Variants in NEGR1 observed in about 807,000 individuals in gnomAD.
NEGR1 encodes the protein neuronal growth regulator 1.
NEGR1 carries 10 observed loss-of-function variants against 40.9 expected under a neutral mutation model. That is an observed-to-expected ratio of 0.24 (90% CI 0.15 to 0.42). The LOEUF is 0.42. Among genes scored for constraint, NEGR1 ranks in the 10% least tolerant of loss-of-function variants. The pLI is 1.00. For synonymous variants in NEGR1, 185 were observed against 166.8 expected (o/e 1.11, Z -0.84); for missense variants, 352 against 438.9 (o/e 0.80, Z 1.77).
At chr1:71,579,696 C>T (rs1476691525) in intron 6 of NEGR1, among the ~76,000 whole-genome samples, 2 of 151,346 alleles carry the variant, frequency 1.3e-5, no homozygotes, top group Admixed American at 6.6e-5. Flanking sequence ...TTCCTCCTCC[C>T]CTGATTCTAG....
At chr1:72,181,315 G>C (rs1325969830) in intron 1 of NEGR1, among the ~76,000 whole-genome samples, 1 of 152,062 alleles carries the variant, frequency 6.6e-6, no homozygotes, top group Non-Finnish European at 1.5e-5. Flanking sequence ...AGGACAACCT[G>C]GATGGTCTTT....
At chr1:71,455,740 A>G (rs1646668282) in intron 6 of NEGR1, among the ~76,000 whole-genome samples, 1 of 152,184 alleles carries the variant, frequency 6.6e-6, no homozygotes, top group Admixed American at 6.5e-5. Context: ...AAATCTTTTG[A>G]GTATCAGGCT....
intron 6 of NEGR1, among the ~76,000 whole-genome samples, chr1:71,557,172 G>A (rs985385079): frequency 3.3e-5 from 5 of 151,596 alleles, no homozygotes; most frequent in African/African-American, 1.2e-4. Context: ...TTGCACTTTT[G>A]TTTTGGAACA....
chr1:71,611,933 A>G (rs577035884), intron 4 of NEGR1, among the ~76,000 whole-genome samples: 3 of 152,162 alleles, frequency 2.0e-5, no homozygotes, highest in Non-Finnish European at 4.4e-5. Context: ...ATAGAAATGT[A>G]TTGCATTGGC....
chr1:72,107,687 G>T (rs1649191628), intron 1 of NEGR1, among the ~76,000 whole-genome samples: 1 of 150,846 alleles, frequency 6.6e-6, no homozygotes, highest in African/African-American at 2.4e-5. Context: ...ATATATATTA[G>T]AAAAATGACT....
intron 6 of NEGR1, among the ~76,000 whole-genome samples, chr1:71,559,809 C>T (rs1648382894): frequency 1.4e-5 from 2 of 145,928 alleles, no homozygotes; most frequent in Admixed American, 6.9e-5. Context: ...TCTTAAATCA[C>T]AATACAGTCT....
chr1:71,882,679 A>G (rs1206144691), intron 2 of NEGR1, among the ~76,000 whole-genome samples: 1 of 151,310 alleles, frequency 6.6e-6, no homozygotes, highest in Non-Finnish European at 1.5e-5. Context: ...AGTACTCGTG[A>G]TAACAGATTA....
chr1:71,841,087 C>T (rs1413687495), intron 2 of NEGR1, among the ~76,000 whole-genome samples: 1 of 151,974 alleles, frequency 6.6e-6, no homozygotes, highest in Non-Finnish European at 1.5e-5. Flanking sequence ...TATATATATA[C>T]ACATCCTATT....
chr1:71,962,770 G>GT (rs34191412), intron 1 of NEGR1, among the ~76,000 whole-genome samples: 556 of 145,008 alleles, frequency 3.8e-3, no homozygotes, highest in African/African-American at 6.2e-3. Flanking sequence ...AATTCTCCAA[G>GT]TTTTTTTTTT....
At chr1:72,069,417 T>C (rs114346916) in intron 1 of NEGR1, among the ~76,000 whole-genome samples, 2,270 of 151,852 alleles carry the variant, frequency 0.015, 52 homozygotes, top group African/African-American at 0.052. Flanking sequence ...GCACTCCAGC[T>C]TGGGTGACAC....
chr1:72,197,614 C>G (rs1444551748), intron 1 of NEGR1, among the ~76,000 whole-genome samples: 1 of 151,998 alleles, frequency 6.6e-6, no homozygotes, highest in Admixed American at 6.6e-5. Context: ...GCACAACCAA[C>G]AGTCCAATGC....
intron 1 of NEGR1, among the ~76,000 whole-genome samples, chr1:72,181,671 C>T (rs1308904204): frequency 1.3e-5 from 2 of 152,054 alleles, no homozygotes; most frequent in Non-Finnish European, 2.9e-5. Flanking sequence ...GGGAAGCAAC[C>T]TAGGCGTCTG....
At chr1:72,194,931 G>C (rs1173384003) in intron 1 of NEGR1, among the ~76,000 whole-genome samples, 1 of 151,974 alleles carries the variant, frequency 6.6e-6, no homozygotes, top group Non-Finnish European at 1.5e-5. Flanking sequence ...TGCCATGCAC[G>C]GTGACTTACA....
At chr1:72,233,527 T>C (rs114087671) in intron 1 of NEGR1, among the ~76,000 whole-genome samples, 1,979 of 152,178 alleles carry the variant, frequency 0.013, 45 homozygotes, top group African/African-American at 0.046. Context: ...CTCATGCTTA[T>C]AAGTAAAAAA....
At chr1:72,274,724 T>C (rs963305386) in intron 1 of NEGR1, 3 of 1,039,916 alleles carry the variant, frequency 2.9e-6, no homozygotes, top group African/African-American at 1.6e-5. Context: ...GGAAAAGTAA[T>C]TGGAGTAAAA....
At position 71,398,162 on chromosome 1, in the gene NEGR1, A is replaced by C. The variant is rs1243642089; in HGVS notation, c.*9284T>G. 6.6e-6 allele frequency: 1 copy of C among 152,286 alleles called. No homozygotes were observed. 9.4% of individuals were successfully genotyped at this position (152,286 alleles called of 1,614,324 possible). On this transcript the variant is annotated 3_prime_UTR_variant, in exon 7 of 7. Coordinates refer to ENST00000357731, the MANE Select transcript of NEGR1 (RefSeq NM_173808.3). The stretch of plus-strand genomic sequence containing the variant: ...AGAACCTCTGCTAGGGCAGTGCAGA[A>C]GGAAAATGTGGAGTGAGCCCCACAC...
At chr1:71,725,894 C>T (rs1654657657) in intron 3 of NEGR1, among the ~76,000 whole-genome samples, 1 of 152,078 alleles carries the variant, frequency 6.6e-6, no homozygotes, top group Admixed American at 6.6e-5. Context: ...ACTTTATCTG[C>T]TCAGCATCTC....
intron 1 of NEGR1, among the ~76,000 whole-genome samples, chr1:72,273,495 C>T (rs1220943637): frequency 6.6e-6 from 1 of 151,920 alleles, no homozygotes; most frequent in Non-Finnish European, 1.5e-5. Context: ...ATTATAACCA[C>T]ATTTCAAAAT....
chr1:71,702,573 A>G (rs373660168), intron 3 of NEGR1, among the ~76,000 whole-genome samples: 9 of 152,162 alleles, frequency 5.9e-5, no homozygotes, highest in Admixed American at 5.2e-4. Context: ...AAAGTATTAG[A>G]ATATTTTAAA....
Sources: allele counts gnomAD v4.1 joint callset (sites outside exome capture counted in the v4.1 genomes callset), GRCh38; gene constraint gnomAD v4.1.1; transcripts MANE v1.5; gene names NCBI Gene and HGNC (gene_info 2026-07-23, HGNC 2026-07-21).